Variants in FNDC3A observed in about 807,000 individuals in gnomAD.
The protein encoded by FNDC3A is fibronectin type-III domain-containing protein 3A.
A neutral mutation model predicts 148.9 loss-of-function variants in FNDC3A; 32 were observed. The ratio of observed to expected loss-of-function variants is 0.21; its 90% confidence interval spans 0.16 to 0.29. The LOEUF is 0.29. Ranked by LOEUF, FNDC3A falls within the 10% of genes least tolerant of loss-of-function variation. The pLI is 1.00. For synonymous variants in FNDC3A, 472 were observed against 473.6 expected (o/e 1.00, Z 0.04); for missense variants, 1,191 against 1,452.8 (o/e 0.82, Z 2.93).
chr13:48,983,382 C>G (rs1328143199), intron 1 of FNDC3A, among the ~76,000 whole-genome samples: 1 of 152,150 alleles, frequency 6.6e-6, no homozygotes, highest in Non-Finnish European at 1.5e-5. Context: ...TTGACCAGTA[C>G]TACTGGAGTC....
intron 2 of FNDC3A, among the ~76,000 whole-genome samples, chr13:49,057,087 C>A (rs1019118953): frequency 2.6e-5 from 4 of 152,116 alleles, no homozygotes; most frequent in African/African-American, 9.7e-5. Context: ...GGTACTCAGG[C>A]TTGATGGACC....
At chr13:49,019,343 C>G (rs1045943716) in intron 2 of FNDC3A, among the ~76,000 whole-genome samples, 1 of 152,224 alleles carries the variant, frequency 6.6e-6, no homozygotes, top group Non-Finnish European at 1.5e-5. Context: ...GCGCAGTAGG[C>G]GGGTGGGAGT....
chr13:49,207,540 ATTG>A lies in FNDC3A; in HGVS notation c.*148_*150del, dbSNP rs1334814639. 7.1e-6 allele frequency: 4 copies of A among 563,746 alleles called. No homozygotes were observed. Among genetic ancestry groups the A allele is most frequent in the African/African-American group, 3.8e-5 (2 of 52,446 alleles). 34.9% of individuals were successfully genotyped at this position (563,746 alleles called of 1,614,324 possible). On this transcript the variant is annotated 3_prime_UTR_variant, in exon 26 of 26. Coordinates refer to ENST00000492622, the MANE Select transcript of FNDC3A (RefSeq NM_001079673.2). ...CATTTTTGCCATTTTCAGTGCTTAT[ATTG>A]TTAGGTAGAGGCTGGCACTTTATTA...
At chr13:49,080,140 A>G (rs1327331346) in intron 3 of FNDC3A, among the ~76,000 whole-genome samples, 1 of 152,192 alleles carries the variant, frequency 6.6e-6, no homozygotes, top group African/African-American at 2.4e-5. Flanking sequence ...TTTTAATGAA[A>G]AGAATTAAAA....
chr13:49,209,081 T>A lies in FNDC3A; in HGVS notation c.*1686T>A, dbSNP rs1886780204. 6.6e-6 allele frequency: 1 copy of A among 152,602 alleles called. No homozygotes were observed. The highest frequency in any genetic ancestry group is 1.5e-5 in the Non-Finnish European group (1 of 68,034). The allele number at this position is 152,602 out of a possible 1,614,324, so 9.5% of individuals were successfully genotyped here. ...ATGTTTACATTTTATTTAAATTTAA[T>A]CTCTTATGTATAGGGTGATAACCTT... is the stretch of plus-strand genomic sequence containing the variant. On this transcript the variant is annotated 3_prime_UTR_variant, in exon 26 of 26. Transcript: ENST00000492622.
chr13:49,201,549 A>G (rs776150654), intron 23 of FNDC3A, among the ~76,000 whole-genome samples: 5 of 152,290 alleles, frequency 3.3e-5, no homozygotes, highest in East Asian at 3.9e-4. Context: ...TTATGGTCGG[A>G]CATGAAATTT....
At chr13:49,041,581 C>T (rs1172028403) in intron 2 of FNDC3A, among the ~76,000 whole-genome samples, 4 of 152,104 alleles carry the variant, frequency 2.6e-5, no homozygotes, top group South Asian at 2.1e-4. Context: ...GAGGCTGAGG[C>T]GGGCAGATCA....
chr13:49,003,365 A>G (rs142345479), intron 1 of FNDC3A, among the ~76,000 whole-genome samples: 28 of 152,238 alleles, frequency 1.8e-4, no homozygotes, highest in African/African-American at 6.5e-4. Flanking sequence ...GCACCCGGCC[A>G]CATTTCTACT....
intron 10 of FNDC3A, 96 bp from the exon 11 acceptor site, chr13:49,171,947 T>A (rs1433442390): frequency 1.2e-6 from 1 of 824,980 alleles, no homozygotes; most frequent in Non-Finnish European, 1.9e-6. Flanking sequence ...ACAGAAAACA[T>A]CTGCCACATA....
At position 49,188,552 on chromosome 13, in the gene FNDC3A, G is replaced by A; in HGVS notation, c.1863G>A (p.Arg621=). The change falls in exon 17 of 26, where the codon AGG becomes AGA. Residue 621 remains arginine, a synonymous_variant. Coordinates refer to ENST00000492622, the MANE Select transcript of FNDC3A (RefSeq NM_001079673.2). The part of the protein sequence containing the change: ...KWEMIYSGAT[R]EHLCDRLNPG... ...AAATGATATACAGTGGTGCTACCAG[G>A]GAACATCTTTGTGATCGACTGAATC... 1 of 1,613,834 alleles carries A rather than the reference G, an allele frequency of 6.2e-7. No homozygotes were observed. Among genetic ancestry groups the A allele is most frequent in the Non-Finnish European group, 8.5e-7 (1 of 1,179,760 alleles).
At chr13:49,188,013 A>G (rs1467758127) in intron 16 of FNDC3A, among the ~76,000 whole-genome samples, 3 of 152,222 alleles carry the variant, frequency 2.0e-5, no homozygotes, top group Admixed American at 2.0e-4. Context: ...GAGAAGGATT[A>G]ACTTCTAAAA....
chr13:49,205,904 CTTACT>C (rs751555695), intron 25 of FNDC3A, among the ~76,000 whole-genome samples: 6 of 151,768 alleles, frequency 4.0e-5, no homozygotes, highest in East Asian at 1.9e-4. Context: ...AGACAGAGAT[CTTACT>C]TTACTTTGAG....
At position 49,114,668 on chromosome 13, in the gene FNDC3A, T is replaced by C. The variant is rs775054517; in HGVS notation, c.189T>C (p.Val63=). Residue 63 remains valine (V), a synonymous_variant, in exon 4 of 26, where the codon GTT becomes GTC. Coordinates refer to ENST00000492622, the MANE Select transcript of FNDC3A (RefSeq NM_001079673.2). ...TGACCCATTCAGGTCCTGCTCAGGT[T>C]CCAATGATGTCCCCAAATGGTTCTG... The part of the protein sequence containing the change: ...QFQCITGPAQ[V]PMMSPNGSVP... 8 of 1,612,498 alleles carry C rather than the reference T, an allele frequency of 5.0e-6. No individual in the cohort carries two copies. The South Asian group carries it at 8.8e-5, about 18-fold the overall frequency.
At chr13:48,978,672 T>G (rs775631342) in intron 1 of FNDC3A, among the ~76,000 whole-genome samples, 12 of 152,164 alleles carry the variant, frequency 7.9e-5, no homozygotes, top group Non-Finnish European at 1.6e-4. Context: ...TTTTGTTTTT[T>G]TTGTTTTGTT....
chr13:49,030,175 C>A (rs193018358), intron 2 of FNDC3A, among the ~76,000 whole-genome samples: 46 of 152,262 alleles, frequency 3.0e-4, no homozygotes, highest in African/African-American at 1.0e-3. Flanking sequence ...ATATACAATT[C>A]TATTTTACTT....
intron 2 of FNDC3A, among the ~76,000 whole-genome samples, chr13:49,060,639 G>T: frequency 1.2e-5 from 1 of 85,384 alleles, no homozygotes; most frequent in Admixed American, 1.5e-4. Flanking sequence ...ACGAGACTCG[G>T]TCTCAAAAAA....
intron 14 of FNDC3A, among the ~76,000 whole-genome samples, chr13:49,180,034 A>G: frequency 6.6e-6 from 1 of 152,248 alleles, no homozygotes; most frequent in East Asian, 1.9e-4. Context: ...GTGTATATAC[A>G]TAAATAGACA....
chr13:49,147,007 A>G (rs1001152523), intron 8 of FNDC3A, among the ~76,000 whole-genome samples: 9 of 152,178 alleles, frequency 5.9e-5, no homozygotes, highest in African/African-American at 1.9e-4. Context: ...TTTTCAAAAC[A>G]TAGCTGGCAA....
intron 1 of FNDC3A, among the ~76,000 whole-genome samples, chr13:49,003,424 A>G (rs1952163051): frequency 6.6e-6 from 1 of 152,060 alleles, no homozygotes; most frequent in Non-Finnish European, 1.5e-5. Flanking sequence ...ATCTTTTTTT[A>G]AAAATCAATT....
Sources: gnomAD v4.1 joint callset for allele counts (sites outside exome capture counted in the v4.1 genomes callset) on GRCh38, gnomAD v4.1.1 for gene constraint, MANE v1.5 for transcripts, NCBI Gene and HGNC (gene_info 2026-07-23, HGNC 2026-07-21) for gene names.